Variants in LDHAL6A observed in about 807,000 individuals in gnomAD.
LDHAL6A encodes the protein L-lactate dehydrogenase A-like 6A.
In LDHAL6A, 19 loss-of-function variants were observed where a neutral mutation model predicts 28.2. The ratio of observed to expected loss-of-function variants is 0.67; its 90% CI spans 0.47 to 0.99. The LOEUF (loss-of-function observed/expected upper bound fraction) is 0.99. Ranked by LOEUF, LDHAL6A falls within the 50% of genes least tolerant of loss-of-function variation. LDHAL6A has a pLI of 0.00. For missense variants in LDHAL6A, 372 were observed against 398.6 expected (o/e 0.93, Z 0.57); for synonymous variants, 144 against 134.4 (o/e 1.07, Z -0.49).
chr11:18,476,876 A>G (rs1849396793), intron 5 of LDHAL6A, among the ~76,000 whole-genome samples: 1 of 152,188 alleles, frequency 6.6e-6, no homozygotes, highest in Admixed American at 6.5e-5. Flanking sequence ...ATGGTGGCTC[A>G]TGCCTATAAT....
chr11:18,467,954 T>TACAC (rs1491215730), intron 3 of LDHAL6A, among the ~76,000 whole-genome samples: 3 of 45,502 alleles, frequency 6.6e-5, no homozygotes, highest in African/African-American at 1.7e-4. Flanking sequence ...CATATATATA[T>TACAC]ACGTATATAT....
intron 2 of LDHAL6A, among the ~76,000 whole-genome samples, chr11:18,464,754 T>C (rs940062253): frequency 6.6e-6 from 1 of 151,284 alleles, no homozygotes; most frequent in Non-Finnish European, 1.5e-5. Context: ...GGATTTGAAC[T>C]CAGTTCTGTT....
rs539936473 is a variant in LDHAL6A, at chr11:18,459,900, G to T, written c.126+3094G>T. Among the ~76,000 whole-genome samples, 452 of 151,792 alleles carry T rather than the reference G, an allele frequency of 3.0e-3. 3 individuals are homozygous for T. The highest frequency in any genetic ancestry group is 0.01 in the African/African-American group (430 of 41,296). Reference sequence around the variant, plus strand: ...CACCTTTCTCTTGGAATTTGGTGGGGTTTTTTTTGATGGTGAGACCGAGGT... The same window carrying T: ...CACCTTTCTCTTGGAATTTGGTGGGTTTTTTTTTGATGGTGAGACCGAGGT... On this transcript the variant is annotated intron_variant, in intron 1 of 6. Transcript: ENST00000280706.
intron 5 of LDHAL6A, 98 bp from the exon 6 acceptor site, chr11:18,477,522 C>A: frequency 9.7e-7 from 1 of 1,026,778 alleles, no homozygotes; most frequent in South Asian, 1.9e-5. Flanking sequence ...TTGATGGAGT[C>A]ACTGCAGTTT....
Position 18,473,813 on chromosome 11 carries a change from CTT to C in LDHAL6A, c.419-1651_419-1650del, listed in dbSNP as rs371624085. On this transcript the variant is annotated intron_variant, in intron 3 of 6. Transcript: ENST00000280706. ...GTGGGTATCCTTGTCTTGTTTCTGA[CTT>C]TAATGAAAAGGCTTCTAAGTTTTCT... is the stretch of plus-strand genomic sequence containing the variant. Among the ~76,000 whole-genome samples, 27 of 152,280 alleles carry C rather than the reference CTT, an allele frequency of 1.8e-4. No homozygotes were observed. The East Asian group carries it at 4.6e-3, about 26-fold the overall frequency.
At chr11:18,464,977 G>GTTTTTTTTGTTTTTTTTTTTTTTTTTT (rs1849016188) in intron 2 of LDHAL6A, among the ~76,000 whole-genome samples, 10 of 125,562 alleles carry the variant, frequency 8.0e-5, no homozygotes, top group African/African-American at 1.0e-4. Flanking sequence ...TGTTTTTTTT[G>GTTTTTTTTGTTTTTTTTTTTTTTTTTT]TTTTTTTTTG....
rs377536940 is a variant in LDHAL6A, at chr11:18,465,628, T to C, written c.245-9T>C. On this transcript the variant is annotated splice_polypyrimidine_tract_variant and intron_variant, in intron 2 of 6. Coordinates refer to ENST00000280706, the MANE Select transcript of LDHAL6A (RefSeq NM_144972.5). ...TCATAATCGATTGTTTATTCTAATCTTTCCTCAGATTACCTGGTCACTGCA... is the reference window on the plus strand; with the variant it reads ...TCATAATCGATTGTTTATTCTAATCCTTCCTCAGATTACCTGGTCACTGCA... 5.6e-6 allele frequency: 9 copies of C among 1,608,150 alleles called. 1 individual carries two copies.
In LDHAL6A at chr11:18,471,404, T is replaced by A. The variant is rs552027794; in HGVS notation, c.419-4062T>A. 1.2e-4 allele frequency among the ~76,000 whole-genome samples: 18 copies of A among 151,670 alleles called. No homozygotes were observed. In the South Asian group the frequency reaches 3.8e-3, roughly 32 times the overall value. ...CTTGTATTTTCAGTAGAGCTGGAGT[T>A]TTGCCATGTTGCCCAGGCTGGTCTT... is the stretch of plus-strand genomic sequence containing the variant. On this transcript the variant is annotated intron_variant, in intron 3 of 6. Coordinates refer to ENST00000280706, the MANE Select transcript of LDHAL6A (RefSeq NM_144972.5).
intron 4 of LDHAL6A, 160 bp downstream of exon 4, chr11:18,475,799 C>A: frequency 1.9e-6 from 1 of 519,132 alleles, no homozygotes; most frequent in East Asian, 3.2e-5. Context: ...TTAAAATAAC[C>A]AACAAAAAAT....
chr11:18,461,301 C>G (rs112699128), intron 1 of LDHAL6A, among the ~76,000 whole-genome samples: 1 of 151,218 alleles, frequency 6.6e-6, no homozygotes, highest in African/African-American at 2.4e-5. Flanking sequence ...CATGCCAACA[C>G]GCCCGGCTAA....
chr11:18,468,858 A>C (rs897016437), intron 3 of LDHAL6A: 4 of 210,846 alleles, frequency 1.9e-5, no homozygotes, highest in Admixed American at 1.7e-4. Flanking sequence ...TTATATATTT[A>C]ACTGCATGCA....
In LDHAL6A at chr11:18,468,062, C is replaced by T. The variant is rs12786864; in HGVS notation, c.418+2252C>T. ...ACATATATATACGTATATATATATA[C>T]ATATATATATATATATTTTGCTTGT... On this transcript the variant is annotated intron_variant, in intron 3 of 6. Transcript: ENST00000280706. Among the ~76,000 whole-genome samples the T allele has an allele frequency of 1.4e-3, 42 of 30,852 alleles. 7 individuals carry two copies. In the South Asian group the frequency reaches 0.049, roughly 36 times the overall value. 20.2% of individuals were successfully genotyped at this position (30,852 alleles called of 152,430 possible).
chr11:18,463,904 A>T, intron 1 of LDHAL6A, 57 bp from the exon 2 acceptor site: 1 of 1,099,790 alleles, frequency 9.1e-7, no homozygotes, highest in Non-Finnish European at 1.4e-6. Flanking sequence ...ATTTTCTTTC[A>T]TTCTCCAGTT....
intron 2 of LDHAL6A, among the ~76,000 whole-genome samples, chr11:18,465,381 C>T (rs556669718): frequency 1.3e-5 from 2 of 151,554 alleles, no homozygotes; most frequent in East Asian, 3.9e-4. Context: ...CCTCGACCTC[C>T]CAAAGTGCTG....
intron 3 of LDHAL6A, among the ~76,000 whole-genome samples, chr11:18,472,858 GAAAAT>G (rs1244910968): frequency 6.6e-6 from 1 of 152,068 alleles, no homozygotes; most frequent in South Asian, 2.1e-4. Context: ...GAGCCTGTAA[GAAAAT>G]AAAAGAGGTT....
At chr11:18,463,053 ACTGT>A (rs1206239107) in intron 1 of LDHAL6A, among the ~76,000 whole-genome samples, 14 of 152,278 alleles carry the variant, frequency 9.2e-5, no homozygotes, top group Admixed American at 3.3e-4. Context: ...GTAGGTAATA[ACTGT>A]CTGATTATAG....
chr11:18,476,535 G>C, intron 5 of LDHAL6A, 34 bp downstream of exon 5: 1 of 1,606,544 alleles, frequency 6.2e-7, no homozygotes, highest in Non-Finnish European at 8.5e-7. Context: ...CAGTACCTTA[G>C]AAGTTGTGAG....
At position 18,464,987 on chromosome 11, in the gene LDHAL6A, G is replaced by GTTT. The variant is rs1449560278; in HGVS notation, c.245-648_245-646dup. 4.8e-5 allele frequency among the ~76,000 whole-genome samples: 5 copies of GTTT among 104,352 alleles called. 1 individual carries two copies. The highest frequency in any genetic ancestry group is 1.6e-4 in the African/African-American group (4 of 25,604). 68.5% of individuals were successfully genotyped at this position (104,352 alleles called of 152,430 possible). A position where few individuals can be genotyped will look rare whatever the true frequency, so the allele number is the denominator to read the frequency against. ...TGAGGTGTTTTTTTTGTTTTTTTTT[G>GTTT]TTTTGTTTTGTTTTGGTTTGTTTTT... On this transcript the variant is annotated intron_variant, in intron 2 of 6. Coordinates refer to ENST00000280706, the MANE Select transcript of LDHAL6A (RefSeq NM_144972.5).
intron 1 of LDHAL6A, among the ~76,000 whole-genome samples, chr11:18,462,022 G>T (rs545647962): frequency 3.7e-4 from 56 of 151,232 alleles, no homozygotes; most frequent in Non-Finnish European, 7.8e-4. Flanking sequence ...GTGGTGGCAG[G>T]CTCCTGTGAT....
Sources: gnomAD v4.1 joint callset for allele counts (sites outside exome capture counted in the v4.1 genomes callset) on GRCh38, gnomAD v4.1.1 for gene constraint, MANE v1.5 for transcripts, NCBI Gene and HGNC (gene_info 2026-07-23, HGNC 2026-07-21) for gene names.